The following WDPCP variants were observed in gnomAD, a reference collection of about 807,000 sequenced individuals.
The protein encoded by WDPCP is WD repeat-containing and planar cell polarity effector protein fritz homolog.
In WDPCP, 71 loss-of-function variants were observed where a neutral mutation model predicts 93.1. The ratio of observed to expected loss-of-function variants is 0.76; its 90% CI spans 0.63 to 0.93. The LOEUF (loss-of-function observed/expected upper bound fraction) is 0.93, where lower values mean the gene tolerates loss of function less well. WDPCP is among the 40% of genes least tolerant of loss of function. The probability of loss-of-function intolerance (pLI) is 0.00; values close to 1 mark genes in which losing one functional copy is unlikely to be tolerated. For missense variants in WDPCP, 844 were observed against 887.4 expected (o/e 0.95, Z 0.62); for synonymous variants, 315 against 315.0 (o/e 1.00, Z 0.00).
chr2:63,251,422 A>G (rs894677591), intron 14 of WDPCP, among the ~76,000 whole-genome samples: 3 of 152,138 alleles, frequency 2.0e-5, no homozygotes, highest in Non-Finnish European at 4.4e-5. Flanking sequence ...AGCCAGAAAG[A>G]AAGTGAAACC....
intron 1 of WDPCP, among the ~76,000 whole-genome samples, chr2:63,527,458 G>C (rs1030783010): frequency 6.8e-6 from 1 of 147,242 alleles, no homozygotes; most frequent in African/African-American, 2.5e-5. Flanking sequence ...CTATGAGTGA[G>C]AACATGCAGT....
At chr2:63,351,046 A>G (rs142316908) in intron 12 of WDPCP, among the ~76,000 whole-genome samples, 2,283 of 151,958 alleles carry the variant, frequency 0.015, 62 homozygotes, top group African/African-American at 0.053. Flanking sequence ...CAATGGCTCA[A>G]TCTTAGCTCA....
intron 1 of WDPCP, 142 bp downstream of exon 1, chr2:63,588,055 G>A: frequency 2.0e-6 from 2 of 1,008,938 alleles, no homozygotes; most frequent in Non-Finnish European, 3.0e-6. Context: ...CATTCCCACA[G>A]CCCTCATACT....
chr2:63,682,783 A>G (rs926549047), intron 2 of WDPCP, among the ~76,000 whole-genome samples: 1 of 152,162 alleles, frequency 6.6e-6, no homozygotes, highest in African/African-American at 2.4e-5. Flanking sequence ...AAGAAACAAA[A>G]AACATACAGA....
At chr2:63,558,284 C>G (rs185739603) in intron 1 of WDPCP, among the ~76,000 whole-genome samples, 34 of 152,008 alleles carry the variant, frequency 2.2e-4, no homozygotes, top group Middle Eastern at 6.8e-3. Flanking sequence ...AATCCCAGCA[C>G]TTTGGGAGGG....
At chr2:63,551,785 A>G (rs2121350) in intron 1 of WDPCP, among the ~76,000 whole-genome samples, 122,126 of 151,686 alleles carry the variant, frequency 0.81, 49,824 homozygotes, top group East Asian at 0.98. Context: ...CCAAAGACAC[A>G]TATGTGAATT....
chr2:63,592,423 T>C (rs944457988), upstream of WDPCP, among the ~76,000 whole-genome samples: 2 of 152,194 alleles, frequency 1.3e-5, no homozygotes, highest in Admixed American at 1.3e-4. Flanking sequence ...CAGTAATGGC[T>C]CACTGTAGCC....
At chr2:63,277,033 C>T (rs1378446037) in intron 13 of WDPCP, among the ~76,000 whole-genome samples, 1 of 152,184 alleles carries the variant, frequency 6.6e-6, no homozygotes, top group Non-Finnish European at 1.5e-5. Context: ...TATTTCTCAG[C>T]AGAAACCCTA....
chr2:63,736,774 T>C (rs573617794), intron 2 of WDPCP, among the ~76,000 whole-genome samples: 12 of 152,340 alleles, frequency 7.9e-5, no homozygotes, highest in African/African-American at 2.9e-4. Flanking sequence ...TAGGAATGAA[T>C]GCTGTGATTT....
intron 1 of WDPCP, among the ~76,000 whole-genome samples, chr2:63,499,798 C>T (rs1867849): frequency 0.8 from 122,087 of 152,108 alleles, 49,656 homozygotes; most frequent in East Asian, 0.98. Flanking sequence ...TTGACCATGC[C>T]GTCACTGAAC....
At chr2:63,536,070 C>G (rs1704254946) in intron 1 of WDPCP, among the ~76,000 whole-genome samples, 1 of 152,210 alleles carries the variant, frequency 6.6e-6, no homozygotes, top group Admixed American at 6.5e-5. Context: ...ACAGACACTT[C>G]TCAAAAGAAG....
intron 2 of WDPCP, among the ~76,000 whole-genome samples, chr2:63,689,974 G>A (rs1476388042): frequency 1.3e-5 from 2 of 152,184 alleles, no homozygotes; most frequent in African/African-American, 4.8e-5. Flanking sequence ...AGACAGATGT[G>A]AGCAATATCC....
chr2:63,592,404 G>A (rs1362813510), upstream of WDPCP, among the ~76,000 whole-genome samples: 1 of 152,210 alleles, frequency 6.6e-6, no homozygotes, highest in Admixed American at 6.5e-5. Context: ...AGGCTGAAGT[G>A]CACTCACACA....
chr2:63,744,447 A>G (rs1669765739), intron 2 of WDPCP, among the ~76,000 whole-genome samples: 1 of 152,106 alleles, frequency 6.6e-6, no homozygotes, highest in African/African-American at 2.4e-5. Flanking sequence ...GTTAATTGAT[A>G]AGCTTCTTCC....
intron 3 of WDPCP, among the ~76,000 whole-genome samples, chr2:63,609,889 T>G (rs1314317330): frequency 1.3e-5 from 2 of 152,008 alleles, no homozygotes; most frequent in Non-Finnish European, 2.9e-5. Context: ...CAAAAGAAAA[T>G]GTTATATGAA....
At chr2:63,552,086 T>C (rs900844487) in intron 1 of WDPCP, among the ~76,000 whole-genome samples, 1 of 14,358 alleles carries the variant, frequency 7.0e-5, no homozygotes, top group Non-Finnish European at 1.1e-4. Flanking sequence ...GCCACCACAC[T>C]TGGCCCTGCT....
At chr2:63,475,753 C>T (rs1178677341) in intron 6 of WDPCP, among the ~76,000 whole-genome samples, 1 of 152,054 alleles carries the variant, frequency 6.6e-6, no homozygotes, top group East Asian at 1.9e-4. Flanking sequence ...TCCACAGTTC[C>T]TCATTACTCT....
chr2:63,160,450 A>G (rs1321191784), intron 15 of WDPCP, among the ~76,000 whole-genome samples: 1 of 152,218 alleles, frequency 6.6e-6, no homozygotes, highest in Non-Finnish European at 1.5e-5. Context: ...CTGATTTACA[A>G]ATTTGACTAT....
intron 2 of WDPCP, among the ~76,000 whole-genome samples, chr2:63,786,484 G>C (rs1670468225): frequency 6.6e-6 from 1 of 152,100 alleles, no homozygotes; most frequent in African/African-American, 2.4e-5. Flanking sequence ...AAAATTTTAA[G>C]GTCTAGAATT....
Sources: allele counts gnomAD v4.1 joint callset (sites outside exome capture counted in the v4.1 genomes callset), GRCh38; gene constraint gnomAD v4.1.1; transcripts MANE v1.5; gene names NCBI Gene and HGNC (gene_info 2026-07-23, HGNC 2026-07-21).